The following DCC variants were observed in gnomAD, a reference collection of about 807,000 sequenced individuals.
DCC encodes DCC netrin 1 receptor.
In DCC, 58 loss-of-function variants were observed where a neutral mutation model predicts 172.5. That is an observed-to-expected ratio of 0.34 (90% CI 0.27 to 0.42). The LOEUF (loss-of-function observed/expected upper bound fraction) is 0.42. Among genes scored for constraint, DCC ranks in the 10% least tolerant of loss-of-function variants. The probability of loss-of-function intolerance (pLI) is 1.00; values close to 1 mark genes in which losing one functional copy is unlikely to be tolerated. For missense variants in DCC, 1,740 were observed against 1,791.0 expected, an observed-to-expected ratio of 0.97 and a Z score of 0.51; for synonymous variants, 709 against 644.5, an observed-to-expected ratio of 1.10 and a Z score of -1.52.
chr18:52,784,826 C>A (rs760983107), intron 2 of DCC, among the ~76,000 whole-genome samples: 1 of 150,242 alleles, frequency 6.7e-6, no homozygotes, highest in African/African-American at 2.5e-5. Flanking sequence ...AACTCAGGAC[C>A]CAGACACATG....
At chr18:52,642,371 G>A (rs1414801291) in intron 1 of DCC, among the ~76,000 whole-genome samples, 1 of 152,054 alleles carries the variant, frequency 6.6e-6, no homozygotes, top group Non-Finnish European at 1.5e-5. Context: ...ATGGTGCAGT[G>A]TATACTGCTC....
chr18:52,692,683 T>A (rs58297911), intron 1 of DCC, among the ~76,000 whole-genome samples: 1 of 151,902 alleles, frequency 6.6e-6, no homozygotes, highest in African/African-American at 2.4e-5. Context: ...CCTCCTGCCT[T>A]GGTCTCCCAA....
intron 12 of DCC, among the ~76,000 whole-genome samples, chr18:53,256,319 T>A (rs1308335578): frequency 6.6e-6 from 1 of 152,198 alleles, no homozygotes; most frequent in African/African-American, 2.4e-5. Context: ...ATTGCCTAGG[T>A]TTTCTTCAGG....
At chr18:53,447,076 C>CA (rs1210662899) in intron 22 of DCC, among the ~76,000 whole-genome samples, 24 of 152,024 alleles carry the variant, frequency 1.6e-4, no homozygotes, top group African/African-American at 5.6e-4. Flanking sequence ...CAGAAACACA[C>CA]AAAAAACAAA....
chr18:52,876,740 A>G (rs747461504), intron 2 of DCC, among the ~76,000 whole-genome samples: 2 of 152,192 alleles, frequency 1.3e-5, no homozygotes, highest in Non-Finnish European at 2.9e-5. Context: ...TCTGAGAGTC[A>G]AAAACATGAA....
At chr18:53,269,340 A>C (rs1018142275) in intron 12 of DCC, among the ~76,000 whole-genome samples, 2 of 152,210 alleles carry the variant, frequency 1.3e-5, no homozygotes, top group Non-Finnish European at 2.9e-5. Flanking sequence ...AACAGGTTTC[A>C]TCCTGGTGTT....
chr18:53,347,302 G>T (rs537494933), intron 15 of DCC, among the ~76,000 whole-genome samples: 1 of 152,062 alleles, frequency 6.6e-6, no homozygotes, highest in Non-Finnish European at 1.5e-5. Flanking sequence ...TCCAAAATCC[G>T]CCTAGTTTTG....
At chr18:52,795,109 G>T (rs2037847167) in intron 2 of DCC, among the ~76,000 whole-genome samples, 1 of 151,854 alleles carries the variant, frequency 6.6e-6, no homozygotes, top group Admixed American at 6.6e-5. Flanking sequence ...TAAAATCTTT[G>T]TCTGGTGTTG....
chr18:53,006,464 G>A (rs1019787258), intron 5 of DCC, among the ~76,000 whole-genome samples: 9 of 152,128 alleles, frequency 5.9e-5, no homozygotes, highest in Admixed American at 3.9e-4. Context: ...AGAAGAACTA[G>A]CAAAAGAGAA....
chr18:53,433,081 G>C (rs963860056), intron 21 of DCC, among the ~76,000 whole-genome samples: 1 of 152,046 alleles, frequency 6.6e-6, no homozygotes, highest in Non-Finnish European at 1.5e-5. Context: ...GGGACAAAAA[G>C]TTAACCCACA....
At chr18:52,996,106 C>T (rs562260361) in intron 5 of DCC, among the ~76,000 whole-genome samples, 3 of 151,930 alleles carry the variant, frequency 2.0e-5, no homozygotes, top group African/African-American at 4.8e-5. Flanking sequence ...AAGAAGACTA[C>T]GTCATTAGGA....
At chr18:53,516,024 G>A (rs1333367739) in intron 27 of DCC, among the ~76,000 whole-genome samples, 2 of 147,730 alleles carry the variant, frequency 1.4e-5, no homozygotes, top group Non-Finnish European at 2.9e-5. Flanking sequence ...AAAGCTGGAG[G>A]CATCACACTA....
At chr18:53,006,057 G>T (rs1173226013) in intron 5 of DCC, among the ~76,000 whole-genome samples, 2 of 152,048 alleles carry the variant, frequency 1.3e-5, no homozygotes, top group African/African-American at 4.8e-5. Flanking sequence ...TTATTTCTGT[G>T]GTTGCTATTT....
rs531194286 is a variant in DCC at position 53,453,446 on chromosome 18, T to C, written c.3392+2784T>C. Among the ~76,000 whole-genome samples, 208 of 151,846 alleles carry C rather than the reference T, an allele frequency of 1.4e-3. 2 individuals are homozygous for C. The highest frequency in any genetic ancestry group is 4.7e-3 in the African/African-American group (195 of 41,108). The stretch of plus-strand genomic sequence containing the variant: ...TTCTTCAATATCTCTTTTGGGGTTC[T>C]AGAGAATATAAATTTTTCTTTATGT... On this transcript the variant is annotated intron_variant, in intron 23 of 28. Transcript: ENST00000442544.
chr18:52,432,028 C>A (rs1987641475), intron 1 of DCC, among the ~76,000 whole-genome samples: 2 of 152,136 alleles, frequency 1.3e-5, no homozygotes, highest in South Asian at 4.1e-4. Context: ...CCTATTTTAT[C>A]TCTAGCACAC....
chr18:52,972,575 A>T (rs1482506838), intron 5 of DCC, among the ~76,000 whole-genome samples: 1 of 150,668 alleles, frequency 6.6e-6, no homozygotes, highest in East Asian at 2.0e-4. Context: ...ATCAAGATGG[A>T]TATGTCTATG....
intron 5 of DCC, among the ~76,000 whole-genome samples, chr18:52,969,532 TATCTC>T (rs1477363451): frequency 6.6e-6 from 1 of 151,312 alleles, no homozygotes; most frequent in Non-Finnish European, 1.5e-5. Context: ...TTGACTTACT[TATCTC>T]AACCAGATTA....
chr18:52,572,631 G>A (rs2033326162), intron 1 of DCC, among the ~76,000 whole-genome samples: 1 of 152,168 alleles, frequency 6.6e-6, no homozygotes, highest in Non-Finnish European at 1.5e-5. Context: ...GGGAGAGGGA[G>A]TGGGGCCCTG....
At chr18:52,594,458 G>A (rs537720604) in intron 1 of DCC, among the ~76,000 whole-genome samples, 1 of 152,176 alleles carries the variant, frequency 6.6e-6, no homozygotes, top group East Asian at 1.9e-4. Context: ...GCCTTATACT[G>A]CCTATTGGAG....
Sources: allele counts gnomAD v4.1 joint callset (sites outside exome capture counted in the v4.1 genomes callset), GRCh38; gene constraint gnomAD v4.1.1; transcripts MANE v1.5; gene names NCBI Gene and HGNC (gene_info 2026-07-23, HGNC 2026-07-21).